The following VPS13B variants were observed in gnomAD, a reference collection of about 807,000 sequenced individuals.
VPS13B encodes intermembrane lipid transfer protein VPS13B.
In VPS13B, 285 loss-of-function variants were observed where a neutral mutation model predicts 426.4. That is an observed-to-expected ratio of 0.67 (90% CI 0.61 to 0.74). The LOEUF is 0.74. Among genes scored for constraint, VPS13B ranks in the 30% least tolerant of loss-of-function variants. The pLI is 0.00. For missense variants in VPS13B, 4,537 were observed against 4,782.6 expected, an observed-to-expected ratio of 0.95 and a Z score of 1.51; for synonymous variants, 1,676 against 1,676.4, an observed-to-expected ratio of 1.00 and a Z score of 0.01.
intron 19 of VPS13B, among the ~76,000 whole-genome samples, chr8:99,335,720 A>G (rs1810810227): frequency 6.6e-6 from 1 of 152,132 alleles, no homozygotes; most frequent in Non-Finnish European, 1.5e-5. Flanking sequence ...TACACCAATA[A>G]CAGACAAACA....
chr8:99,647,617 A>C (rs1274910763), intron 34 of VPS13B, among the ~76,000 whole-genome samples: 2 of 152,160 alleles, frequency 1.3e-5, no homozygotes, highest in Non-Finnish European at 2.9e-5. Flanking sequence ...GAAAAGGTAA[A>C]ATCATAGTTC....
rs1290651554 is a variant in VPS13B, at chr8:99,809,374, G to C, written c.7942-1G>C. The C allele has an allele frequency of 6.2e-7, 1 of 1,613,776 alleles. No homozygotes were observed. The highest frequency in any genetic ancestry group is 8.5e-7 in the Non-Finnish European group (1 of 1,179,928). ...ATGACGATTATTGTTTTTTTCTCCA[G>C]CTGTTACACATCTGTATTGAAGGTT... On this transcript the variant is annotated splice_acceptor_variant, in intron 43 of 61. Transcript: ENST00000357162. LOFTEE classifies it high-confidence loss of function.
intron 19 of VPS13B, among the ~76,000 whole-genome samples, chr8:99,316,917 T>C (rs1020296395): frequency 5.9e-5 from 9 of 152,220 alleles, no homozygotes; most frequent in African/African-American, 2.2e-4. Flanking sequence ...ATTTTTGGAA[T>C]CTTTTTTTCT....
At chr8:99,665,920 T>C (rs1292168405) in intron 35 of VPS13B, among the ~76,000 whole-genome samples, 3 of 152,184 alleles carry the variant, frequency 2.0e-5, no homozygotes, top group African/African-American at 7.2e-5. Context: ...AGTATGGCCA[T>C]TTTCACGATA....
chr8:99,236,406 C>T (rs573059037), intron 17 of VPS13B, among the ~76,000 whole-genome samples: 4 of 152,050 alleles, frequency 2.6e-5, no homozygotes, highest in East Asian at 3.9e-4. Context: ...TGTGCCACCA[C>T]GCCTGGCTAA....
At chr8:99,590,989 C>G (rs1486440592) in intron 33 of VPS13B, among the ~76,000 whole-genome samples, 1 of 152,000 alleles carries the variant, frequency 6.6e-6, no homozygotes, top group African/African-American at 2.4e-5. Context: ...TTGTATGTCT[C>G]TGAGGACTTG....
intron 17 of VPS13B, among the ~76,000 whole-genome samples, chr8:99,234,809 C>T (rs1816551911): frequency 6.6e-6 from 1 of 152,092 alleles, no homozygotes; most frequent in African/African-American, 2.4e-5. Context: ...TGCAACAAGT[C>T]TCCCAAAGTA....
intron 19 of VPS13B, among the ~76,000 whole-genome samples, chr8:99,325,018 T>C (rs1810168086): frequency 6.6e-6 from 1 of 152,184 alleles, no homozygotes; most frequent in African/African-American, 2.4e-5. Context: ...TCTGAACAGG[T>C]AGGCTAGCAT....
At position 99,340,418 on chromosome 8, in the gene VPS13B, G is replaced by A. The variant is rs531797591; in HGVS notation, c.2825-43790G>A. On this transcript the variant is annotated intron_variant, in intron 19 of 61. Transcript: ENST00000357162. Reference sequence around the variant, plus strand: ...ATATTCTGCTAAAAACTTCAGAAAAGATCAAAGTGTTTCAATAAAGCCTTC... The same window carrying A: ...ATATTCTGCTAAAAACTTCAGAAAAAATCAAAGTGTTTCAATAAAGCCTTC... 9.1e-5 allele frequency: 43 copies of A among 473,748 alleles called. No individual in the cohort carries two copies. In the East Asian group the frequency reaches 1.4e-3, roughly 15 times the overall value. 29.3% of individuals were successfully genotyped at this position (473,748 alleles called of 1,614,324 possible).
chr8:99,790,274 T>C (rs1366324878), intron 43 of VPS13B, among the ~76,000 whole-genome samples: 1 of 152,168 alleles, frequency 6.6e-6, no homozygotes, highest in Non-Finnish European at 1.5e-5. Context: ...TGCTACACCA[T>C]GATTTATTAA....
chr8:99,640,058 A>AGAAGAAGAAGAAGAAGAAGAAGAAG (rs1400114054), intron 33 of VPS13B, among the ~76,000 whole-genome samples: 3 of 68,434 alleles, frequency 4.4e-5, no homozygotes, highest in African/African-American at 1.7e-4. Flanking sequence ...AGAGAAAAGA[A>AGAAGAAGAAGAAGAAGAAGAAGAAG]AAGAAAAGAA....
intron 25 of VPS13B, among the ~76,000 whole-genome samples, chr8:99,485,292 G>A (rs1401711056): frequency 1.3e-5 from 2 of 152,142 alleles, no homozygotes; most frequent in Non-Finnish European, 2.9e-5. Context: ...AACAAGAGAG[G>A]AAGGAGCTAT....
At chr8:99,045,699 A>G (rs557652878) in intron 3 of VPS13B, among the ~76,000 whole-genome samples, 1 of 152,266 alleles carries the variant, frequency 6.6e-6, no homozygotes, top group South Asian at 2.1e-4. Flanking sequence ...TAAGTCCTTG[A>G]TCCATCTTGA....
At chr8:99,498,197 TATTA>T (rs1243924805) in intron 25 of VPS13B, among the ~76,000 whole-genome samples, 1 of 152,174 alleles carries the variant, frequency 6.6e-6, no homozygotes, top group Non-Finnish European at 1.5e-5. Flanking sequence ...GTGTTACTTG[TATTA>T]ATTATGTATC....
intron 24 of VPS13B, among the ~76,000 whole-genome samples, chr8:99,470,469 A>C (rs983200978): frequency 6.6e-6 from 1 of 152,190 alleles, no homozygotes; most frequent in Non-Finnish European, 1.5e-5. Flanking sequence ...AGTCAAATGG[A>C]ATTTTAGAAC....
chr8:99,842,586 G>T (rs1563503301), intron 54 of VPS13B, among the ~76,000 whole-genome samples: 1 of 151,964 alleles, frequency 6.6e-6, no homozygotes, highest in Non-Finnish European at 1.5e-5. Context: ...CAGCATTCCG[G>T]CCTGGTTAAC....
Position 99,784,383 on chromosome 8 carries a change from A to G in VPS13B, c.7848A>G (p.Thr2616=), listed in dbSNP as rs757256533. Residue 2616 remains threonine (T), a synonymous_variant, in exon 43 of 62, where the codon ACA becomes ACG. Transcript: ENST00000357162. ...TGATCTGTAATGACACACAGGAGAC[A>G]CTGCGGTTTGGCCAGGTGGATACTG... ...HFVICNDTQE[T]LRFGQVDTDE... The G allele has an allele frequency of 6.2e-6, 10 of 1,613,666 alleles. No homozygotes were observed. In the African/African-American group the frequency reaches 1.3e-4, roughly 22 times the overall value.
At chr8:99,716,224 A>G (rs1832915177) in intron 36 of VPS13B, among the ~76,000 whole-genome samples, 2 of 152,156 alleles carry the variant, frequency 1.3e-5, no homozygotes, top group Non-Finnish European at 2.9e-5. Flanking sequence ...ACATATATGA[A>G]ATTTTCAAGT....
intron 19 of VPS13B, among the ~76,000 whole-genome samples, chr8:99,321,275 A>G (rs2133128175): frequency 7.6e-6 from 1 of 132,066 alleles, no homozygotes; most frequent in East Asian, 2.2e-4. Flanking sequence ...CAGTGGCGTG[A>G]TTTCAGCTCC....
Sources: gnomAD v4.1 joint callset for allele counts (sites outside exome capture counted in the v4.1 genomes callset) on GRCh38, gnomAD v4.1.1 for gene constraint, MANE v1.5 for transcripts, NCBI Gene and HGNC (gene_info 2026-07-23, HGNC 2026-07-21) for gene names.